Variants in NAGA observed in about 807,000 individuals in gnomAD.
NAGA encodes Acetylgalactosaminidase, alpha-N- (alpha-galactosidase B).
NAGA carries 42 observed loss-of-function variants against 45.6 expected under a neutral mutation model. The observed-to-expected ratio is 0.92, with a 90% confidence interval of 0.72 to 1.19. The LOEUF is 1.19. NAGA is among the 50% of genes most tolerant of loss of function. The probability of loss-of-function intolerance (pLI) is 0.00; values close to 1 mark genes in which losing one functional copy is unlikely to be tolerated. For synonymous variants in NAGA, 176 were observed against 203.1 expected, an observed-to-expected ratio of 0.87 and a Z score of 1.13; for missense variants, 493 against 544.8, an observed-to-expected ratio of 0.90 and a Z score of 0.95.
At chr22:42,061,125 G>C (rs1926359888) in intron 7 of NAGA, 58 bp from the exon 8 acceptor site, 3 of 1,590,192 alleles carry the variant, frequency 1.9e-6, no homozygotes, top group Admixed American at 1.8e-5. Flanking sequence ...ACCTACCATT[G>C]CCTCCCTGGC....
Position 42,058,826 on chromosome 22 carries a change from A to G in NAGA, c.*1453T>C, listed in dbSNP as rs944824015. 6.6e-6 allele frequency: 1 copy of G among 152,282 alleles called. No homozygotes were observed. Among genetic ancestry groups the G allele is most frequent in the African/African-American group, 2.4e-5 (1 of 41,438 alleles). 9.4% of individuals were successfully genotyped at this position (152,282 alleles called of 1,614,324 possible). The stretch of plus-strand genomic sequence containing the variant: ...ATTTTGCCTGAACAGCACTATGAAC[A>G]AGACCCAAAGGCAGAGCTATGCACG... On this transcript the variant is annotated 3_prime_UTR_variant, in exon 9 of 9. Transcript: ENST00000396398.
At chr22:42,063,360 CCCT>C (rs758579245) in intron 6 of NAGA, among the ~76,000 whole-genome samples, 6 of 152,050 alleles carry the variant, frequency 3.9e-5, no homozygotes, top group Non-Finnish European at 8.8e-5. Flanking sequence ...ACTCCTGCTG[CCCT>C]CCTCTCCCAA....
intron 6 of NAGA, among the ~76,000 whole-genome samples, chr22:42,064,155 A>G (rs887140286): frequency 6.6e-6 from 1 of 151,690 alleles, no homozygotes; most frequent in Non-Finnish European, 1.5e-5. Context: ...AGCCTGACCA[A>G]CACGGAGAAA....
At chr22:42,069,142 G>T (rs1410221673) in intron 1 of NAGA, among the ~76,000 whole-genome samples, 1 of 152,158 alleles carries the variant, frequency 6.6e-6, no homozygotes, top group Non-Finnish European at 1.5e-5. Flanking sequence ...GAGGCAAGAG[G>T]ATCACTTGAA....
chr22:42,061,140 CCT>C, intron 7 of NAGA, 73 bp from the exon 8 acceptor site: 1 of 1,568,602 alleles, frequency 6.4e-7, no homozygotes. Context: ...CCTGGCCCTC[CCT>C]GAGTTCTGGG....
intron 5 of NAGA, 122 bp from the exon 6 acceptor site, chr22:42,066,021 G>A: frequency 7.8e-7 from 1 of 1,279,334 alleles, no homozygotes; most frequent in Non-Finnish European, 1.1e-6. Flanking sequence ...GAAGAGAACA[G>A]GCCCCACCGG....
intron 5 of NAGA, among the ~76,000 whole-genome samples, chr22:42,066,377 G>A (rs1420861022): frequency 2.0e-5 from 3 of 152,242 alleles, no homozygotes; most frequent in East Asian, 3.9e-4. Flanking sequence ...GGGTCTCCTC[G>A]CCTAATGGGC....
intron 1 of NAGA, among the ~76,000 whole-genome samples, chr22:42,070,050 T>C (rs1926962520): frequency 6.6e-6 from 1 of 152,218 alleles, no homozygotes; most frequent in South Asian, 2.1e-4. Context: ...CACATGCTGA[T>C]ATCCATCAGT....
intron 1 of NAGA, 106 bp from the exon 2 acceptor site, chr22:42,068,680 CTA>C: frequency 6.8e-7 from 1 of 1,476,156 alleles, no homozygotes; most frequent in Non-Finnish European, 9.1e-7. Context: ...GGCTGCCTGC[CTA>C]TATATAAGGG....
At chr22:42,063,079 A>G in intron 6 of NAGA, 55 bp from the exon 7 acceptor site, 7 of 1,552,528 alleles carry the variant, frequency 4.5e-6, no homozygotes, top group Non-Finnish European at 6.2e-6. Flanking sequence ...AGGTAGACAC[A>G]GGGACCATCC....
Position 42,067,916 on chromosome 22 carries a change from AT to A in NAGA, c.172del (p.Met58TrpfsTer34). On this transcript the variant is annotated frameshift_variant, in exon 3 of 9. Transcript: ENST00000396398. LOFTEE classifies it high-confidence loss of function. ...TCCATCCTGTGCCATCCGGTCAGCCATCTCCATGAAGAGCTGTTCACTAGTG... is the reference window on the plus strand; with the variant it reads ...TCCATCCTGTGCCATCCGGTCAGCCACTCCATGAAGAGCTGTTCACTAGTG... The part of the protein sequence containing the change: ...NCISEQLFME[M>X]ADRMAQDGWR... 6.2e-7 allele frequency: 1 copy of A among 1,613,662 alleles called. No homozygotes were observed. Among genetic ancestry groups the A allele is most frequent in the African/African-American group, 1.3e-5 (1 of 75,056 alleles).
At chr22:42,068,381 C>A (rs983969159) in intron 2 of NAGA, 58 bp downstream of exon 2, 4 of 1,613,250 alleles carry the variant, frequency 2.5e-6, no homozygotes, top group Admixed American at 3.3e-5. Context: ...CCACTTCCTG[C>A]CCCCGAATCT....
chr22:42,063,102 C>T (rs903670733), intron 6 of NAGA, 78 bp from the exon 7 acceptor site: 2 of 1,424,136 alleles, frequency 1.4e-6, no homozygotes, highest in Non-Finnish European at 9.7e-7. Flanking sequence ...AAACTTGTAG[C>T]CGAGGAAGAG....
At chr22:42,062,628 C>G (rs143937651) in intron 7 of NAGA, among the ~76,000 whole-genome samples, 199 bp downstream of exon 7, 45 of 152,324 alleles carry the variant, frequency 3.0e-4, no homozygotes, top group African/African-American at 1.1e-3. Flanking sequence ...CAGCCCTGCT[C>G]TCACCCAGCA....
Position 42,062,946 on chromosome 22 carries a change from G to T in NAGA, c.838C>A (p.Leu280Ile), listed in dbSNP as rs578127376. The T allele has an allele frequency of 3.4e-4, 545 of 1,614,182 alleles. 6 individuals carry two copies. The South Asian group carries it at 5.8e-3, about 17-fold the overall frequency. The change falls in exon 7 of 9, where the codon CTC (leucine) becomes ATC (isoleucine). Residue 280 changes from leucine (L) to isoleucine (I), a missense_variant. Coordinates refer to ENST00000396398, the MANE Select transcript of NAGA (RefSeq NM_000262.3). ...GTACGCAGGTCTGTGGACATCAAGA[G>T]GGGGGCTGCCAGCACCGTCCACAGG... is the stretch of plus-strand genomic sequence containing the variant. ...MALWTVLAAP[L>I]LMSTDLRTIS...
chr22:42,063,030 G>T lies in NAGA; in HGVS notation c.760-6C>A, dbSNP rs1926502739. ...CCAAAGTTCCCAATGAGCAGCTGGGGGCAGAGAAGAGGAGTAGTCAGCTCT... is the reference window on the plus strand; with the variant it reads ...CCAAAGTTCCCAATGAGCAGCTGGGTGCAGAGAAGAGGAGTAGTCAGCTCT... On this transcript the variant is annotated splice_region_variant and splice_polypyrimidine_tract_variant and intron_variant, in intron 6 of 8. Transcript: ENST00000396398. 6.2e-7 allele frequency: 1 copy of T among 1,613,648 alleles called. No individual in the cohort carries two copies. The highest frequency in any genetic ancestry group is 1.7e-5 in the Admixed American group (1 of 59,940).
intron 6 of NAGA, among the ~76,000 whole-genome samples, chr22:42,065,442 A>G (rs1187737307): frequency 6.6e-6 from 1 of 152,158 alleles, no homozygotes; most frequent in Admixed American, 6.5e-5. Context: ...GAGCAATAAC[A>G]TCTTATTCCA....
rs764615882 is a variant in NAGA at position 42,067,205 on chromosome 22, T to C, written c.410A>G (p.Lys137Arg). The C allele has an allele frequency of 1.2e-6, 2 of 1,614,132 alleles. No individual in the cohort carries two copies. ...GAAGGTCTGAGCATCCTGGACCACC[T>C]TGTCCAGTGTGGTGCCTGGGTAACC... is the stretch of plus-strand genomic sequence containing the variant. The part of the protein sequence containing the change: ...CMGYPGTTLD[K>R]VVQDAQTFAE... Residue 137 changes from lysine (K) to arginine (R), a missense_variant, in exon 4 of 9, where the codon AAG becomes AGG. Transcript: ENST00000396398.
rs374689465 is a variant in NAGA at position 42,060,129 on chromosome 22, C to T, written c.*150G>A. On this transcript the variant is annotated 3_prime_UTR_variant, in exon 9 of 9. Coordinates refer to ENST00000396398, the MANE Select transcript of NAGA (RefSeq NM_000262.3). ...GTTTACGCTTGGACAGGGCATAGAA[C>T]CTGGCCGTGAGATTGCACTTTGGGT... 5.3e-5 allele frequency: 56 copies of T among 1,056,792 alleles called. No homozygotes were observed. The highest frequency in any genetic ancestry group is 4.9e-4 in the South Asian group (37 of 76,044). 65.5% of individuals were successfully genotyped at this position (1,056,792 alleles called of 1,614,324 possible). A position where few individuals can be genotyped will look rare whatever the true frequency, so the allele number is the denominator to read the frequency against.
Sources: gnomAD v4.1 joint callset for allele counts (sites outside exome capture counted in the v4.1 genomes callset) on GRCh38, gnomAD v4.1.1 for gene constraint, MANE v1.5 for transcripts, NCBI Gene and HGNC (gene_info 2026-07-23, HGNC 2026-07-21) for gene names.